Variants in RP2 observed in about 807,000 individuals in gnomAD.
The protein encoded by RP2 is RP2 activator of ARL3 GTPase.
RP2 carries 3 observed loss-of-function variants against 20.3 expected under a neutral mutation model. The observed-to-expected ratio is 0.15, with a 90% CI of 0.07 to 0.38. The LOEUF is 0.38. RP2 is among the 10% of genes least tolerant of loss of function. The pLI is 1.00. For synonymous variants in RP2, 75 were observed against 94.8 expected, an observed-to-expected ratio of 0.79 and a Z score of 1.22; for missense variants, 233 against 268.5, an observed-to-expected ratio of 0.87 and a Z score of 0.92.
intron 2 of RP2, among the ~76,000 whole-genome samples, chrX:46,856,738 A>G (rs1200637262): frequency 2.7e-5 from 3 of 111,780 alleles, no homozygotes; most frequent in African/African-American, 9.8e-5. Flanking sequence ...GACTGAAAGC[A>G]TGTGGACTCT....
intron 1 of RP2, among the ~76,000 whole-genome samples, chrX:46,843,659 A>AT (rs1205229454): frequency 8.9e-6 from 1 of 111,853 alleles, no homozygotes; most frequent in African/African-American, 3.3e-5. Context: ...TTCAGATTAG[A>AT]TTAGATGATA....
chrX:46,870,353 C>T (rs371937451), intron 3 of RP2, among the ~76,000 whole-genome samples: 123 of 111,473 alleles, frequency 1.1e-3, no homozygotes, highest in African/African-American at 3.6e-3. Context: ...AGGTGATCCA[C>T]CCAACTTGGC....
chrX:46,868,065 G>A (rs889160356), intron 3 of RP2, among the ~76,000 whole-genome samples: 1 of 111,803 alleles, frequency 8.9e-6, no homozygotes, highest in Non-Finnish European at 1.9e-5. Context: ...AGTTTTTTGA[G>A]GGACCTGCAT....
intron 1 of RP2, among the ~76,000 whole-genome samples, chrX:46,846,868 A>G (rs1287613377): frequency 1.8e-5 from 2 of 110,968 alleles, no homozygotes; most frequent in African/African-American, 6.6e-5. Context: ...GGACTACACT[A>G]CATGTGTCTG....
At chrX:46,878,250 G>A (rs1305967562) in intron 4 of RP2, among the ~76,000 whole-genome samples, 2 of 108,276 alleles carry the variant, frequency 1.8e-5, no homozygotes, top group African/African-American at 3.3e-5. Flanking sequence ...AGTGGCGGGC[G>A]CCTGTAGTCC....
intron 1 of RP2, 75 bp downstream of exon 1, chrX:46,837,277 T>C (rs782496079): frequency 1.0e-6 from 1 of 1,001,068 alleles, no homozygotes; most frequent in Non-Finnish European, 1.4e-6. Context: ...CCGGGACCGC[T>C]GAGGGGGCCG....
chrX:46,840,720 A>C (rs898699949), intron 1 of RP2, among the ~76,000 whole-genome samples: 1 of 112,008 alleles, frequency 8.9e-6, no homozygotes, highest in Non-Finnish European at 1.9e-5. Flanking sequence ...ATTTAAGTAC[A>C]TATGAGGTGA....
At position 46,851,663 on chromosome X, in the gene RP2, G is replaced by A. The variant is rs182721693; in HGVS notation, c.103-1813G>A. Among the ~76,000 whole-genome samples the A allele has an allele frequency of 1.7e-3, 191 of 110,559 alleles. No individual in the cohort carries two copies. In the Middle Eastern group the frequency reaches 0.019, roughly 11 times the overall value. On this transcript the variant is annotated intron_variant, in intron 1 of 4. Transcript: ENST00000218340. ...AAAAAAGAAAAAGGCCGGGCACGGT[G>A]GCTCACGCCTGTAATCCCAGCACTT...
intron 3 of RP2, among the ~76,000 whole-genome samples, chrX:46,874,943 G>A (rs1925349829): frequency 9.0e-6 from 1 of 111,206 alleles, no homozygotes; most frequent in South Asian, 3.7e-4. Context: ...TAGTATTTAT[G>A]AGGTTGTTTA....
intron 1 of RP2, among the ~76,000 whole-genome samples, chrX:46,847,914 A>C (rs1556317201): frequency 2.0e-5 from 1 of 48,849 alleles, no homozygotes; most frequent in Non-Finnish European, 3.4e-5. Context: ...ATATGGACTC[A>C]TATATGTGTA....
chrX:46,847,568 G>GTA (rs781916787), intron 1 of RP2, among the ~76,000 whole-genome samples: 49 of 105,292 alleles, frequency 4.7e-4, no homozygotes, highest in Admixed American at 1.5e-3. Context: ...ATATATGTGT[G>GTA]TATATATATA....
At chrX:46,878,220 A>C (rs1036959811) in intron 4 of RP2, among the ~76,000 whole-genome samples, 2 of 109,293 alleles carry the variant, frequency 1.8e-5, no homozygotes, top group South Asian at 4.0e-4. Flanking sequence ...TAAAAATACA[A>C]AAAAAAATTA....
intron 3 of RP2, among the ~76,000 whole-genome samples, chrX:46,866,414 C>T (rs1556322532): frequency 8.9e-6 from 1 of 111,931 alleles, no homozygotes; most frequent in Non-Finnish European, 1.9e-5. Flanking sequence ...AATCCAGCAC[C>T]ACAGGGTTCA....
At chrX:46,878,294 G>A (rs1181461688) in intron 4 of RP2, among the ~76,000 whole-genome samples, 7 of 106,257 alleles carry the variant, frequency 6.6e-5, no homozygotes, top group Non-Finnish European at 1.4e-4. Context: ...GGAGAATGGC[G>A]TGAACCCGGG....
intron 1 of RP2, among the ~76,000 whole-genome samples, chrX:46,849,011 C>G (rs1305857199): frequency 9.3e-6 from 1 of 108,095 alleles, no homozygotes; most frequent in Non-Finnish European, 1.9e-5. Context: ...ACCTGGGCAA[C>G]AGAGTGAGAC....
chrX:46,846,730 A>C (rs1471713080), intron 1 of RP2, among the ~76,000 whole-genome samples: 1 of 111,370 alleles, frequency 9.0e-6, no homozygotes, highest in African/African-American at 3.3e-5. Flanking sequence ...TTGTCAGGTT[A>C]ATTTGTTTTT....
intron 1 of RP2, among the ~76,000 whole-genome samples, chrX:46,839,462 G>T (rs941717032): frequency 9.0e-6 from 1 of 110,643 alleles, no homozygotes; most frequent in African/African-American, 3.3e-5. Flanking sequence ...TGAGGTGGGA[G>T]GATCACCTGA....
chrX:46,849,834 C>A (rs1471996355), intron 1 of RP2, among the ~76,000 whole-genome samples: 1 of 111,514 alleles, frequency 9.0e-6, no homozygotes, highest in East Asian at 2.8e-4. Context: ...AGCCCTACCC[C>A]CCTACACATG....
intron 1 of RP2, 27 bp from the exon 2 acceptor site, chrX:46,853,449 C>T (rs1924894221): frequency 8.4e-7 from 1 of 1,192,883 alleles, no homozygotes; most frequent in Non-Finnish European, 1.1e-6. Context: ...GTTAATAATA[C>T]TCAAGGTCTG....
Sources: gnomAD v4.1 joint callset for allele counts (sites outside exome capture counted in the v4.1 genomes callset) on GRCh38, gnomAD v4.1.1 for gene constraint, MANE v1.5 for transcripts, NCBI Gene and HGNC (gene_info 2026-07-23, HGNC 2026-07-21) for gene names.